Variants in TRMT10A observed in about 807,000 individuals in gnomAD.
TRMT10A encodes the protein tRNA methyltransferase 10 homolog A.
A neutral mutation model predicts 40.4 loss-of-function variants in TRMT10A; 37 were observed. The ratio of observed to expected loss-of-function variants is 0.92; its 90% confidence interval spans 0.71 to 1.21. The LOEUF (loss-of-function observed/expected upper bound fraction) is 1.21, where lower values mean the gene tolerates loss of function less well. Among genes scored for constraint, TRMT10A ranks in the 50% most tolerant of loss-of-function variants. TRMT10A has a pLI of 0.00. For synonymous variants in TRMT10A, 103 were observed against 134.1 expected, an observed-to-expected ratio of 0.77 and a Z score of 1.60; for missense variants, 388 against 404.3, an observed-to-expected ratio of 0.96 and a Z score of 0.35.
rs1723786300 is a variant in TRMT10A at position 99,547,607 on chromosome 4, G to A, written c.*1481C>T. 1 of 151,798 alleles carries A rather than the reference G, an allele frequency of 6.6e-6. No individual in the cohort carries two copies. The highest frequency in any genetic ancestry group is 2.1e-4 in the South Asian group (1 of 4,810). 9.4% of individuals were successfully genotyped at this position (151,798 alleles called of 1,614,324 possible). On this transcript the variant is annotated 3_prime_UTR_variant, in exon 8 of 8. Transcript: ENST00000394876. ...TGAAAAAATACAACTTAAGACATAAGCTTTGTTATTTTAAAATTGTAGGGC... is the reference window on the plus strand; with the variant it reads ...TGAAAAAATACAACTTAAGACATAAACTTTGTTATTTTAAAATTGTAGGGC...
intron 6 of TRMT10A, among the ~76,000 whole-genome samples, chr4:99,551,597 A>G (rs1476508597): frequency 1.3e-5 from 2 of 152,172 alleles, no homozygotes; most frequent in Non-Finnish European, 2.9e-5. Context: ...ACACCTGATA[A>G]TGATAATAAA....
At chr4:99,556,028 G>C (rs1449706080) in intron 5 of TRMT10A, 118 bp downstream of exon 5, 1 of 832,826 alleles carries the variant, frequency 1.2e-6, no homozygotes, top group Non-Finnish European at 1.8e-6. Context: ...TAGGTTCAGA[G>C]ATTGCATCTG....
At chr4:99,562,576 A>G (rs992485267) in intron 1 of TRMT10A, among the ~76,000 whole-genome samples, 1 of 117,180 alleles carries the variant, frequency 8.5e-6, no homozygotes, top group African/African-American at 3.4e-5. Context: ...CCCAGGCTGG[A>G]GTGCAGTGGC....
intron 6 of TRMT10A, among the ~76,000 whole-genome samples, 177 bp from the exon 7 acceptor site, chr4:99,551,167 A>G (rs560473812): frequency 2.6e-5 from 4 of 152,304 alleles, no homozygotes; most frequent in African/African-American, 4.8e-5. Flanking sequence ...TCTCTTGACA[A>G]TAAGTATAGT....
chr4:99,560,788 G>A (rs1640929701), intron 1 of TRMT10A, among the ~76,000 whole-genome samples: 1 of 152,010 alleles, frequency 6.6e-6, no homozygotes, highest in African/African-American at 2.4e-5. Flanking sequence ...ACACCGAGTG[G>A]AGGAAACTTA....
chr4:99,558,492 C>T (rs1724257105), intron 2 of TRMT10A, among the ~76,000 whole-genome samples: 1 of 151,852 alleles, frequency 6.6e-6, no homozygotes, highest in African/African-American at 2.4e-5. Context: ...TCATACTATC[C>T]CTAACCTTAT....
At chr4:99,557,313 A>G (rs1387945216) in intron 4 of TRMT10A, 32 bp downstream of exon 4, 2 of 1,588,552 alleles carry the variant, frequency 1.3e-6, no homozygotes, top group African/African-American at 2.7e-5. Context: ...ATAAAAGAAA[A>G]CTAGAGTCTG....
At position 99,555,219 on chromosome 4, in the gene TRMT10A, T is replaced by C. The variant is rs575388069; in HGVS notation, c.495+927A>G. Among the ~76,000 whole-genome samples the C allele has an allele frequency of 2.0e-5, 3 of 152,344 alleles. No homozygotes were observed. In the South Asian group the frequency reaches 6.2e-4, roughly 32 times the overall value. Reference sequence around the variant, plus strand: ...GCACAAATACAGGATTTGGTAAATATACTGTACTTAAAAACTTAAAAGCCT... The same window carrying C: ...GCACAAATACAGGATTTGGTAAATACACTGTACTTAAAAACTTAAAAGCCT... On this transcript the variant is annotated intron_variant, in intron 5 of 7. Coordinates refer to ENST00000394876, the MANE Select transcript of TRMT10A (RefSeq NM_001134665.3).
Position 99,556,183 on chromosome 4 carries a change from T to C in TRMT10A, c.458A>G (p.Asn153Ser), listed in dbSNP as rs200688602. The C allele has an allele frequency of 7.4e-6, 12 of 1,613,774 alleles. No homozygotes were observed. The highest frequency in any genetic ancestry group is 1.0e-5 in the Non-Finnish European group (12 of 1,179,762). ...CCATCCTTTGTCATTTTCATCCATG[T>C]TCTTTTTCAGCTGGCCTCCGTGGCT... ...LTSHGGQLKKNMDENDKGWVN... is the reference protein window; with the variant it reads ...LTSHGGQLKKSMDENDKGWVN... The change falls in exon 5 of 8, where the codon AAC (asparagine) becomes AGC (serine). Residue 153 changes from asparagine (N) to serine (S), a missense_variant. Physicochemically the swap from Asn to Ser is conservative, Grantham distance 46. Transcript: ENST00000394876.
chr4:99,552,302 G>A (rs1393526887), intron 6 of TRMT10A, among the ~76,000 whole-genome samples: 1 of 152,022 alleles, frequency 6.6e-6, no homozygotes, highest in Non-Finnish European at 1.5e-5. Context: ...CCCTATACAT[G>A]TATACCACGT....
chr4:99,557,739 C>G, intron 3 of TRMT10A: 1 of 405,464 alleles, frequency 2.5e-6, no homozygotes, highest in Non-Finnish European at 4.4e-6. Context: ...ACCAACAACA[C>G]TGGTAAAACC....
At chr4:99,560,857 C>T (rs1724360804) in intron 1 of TRMT10A, among the ~76,000 whole-genome samples, 1 of 151,916 alleles carries the variant, frequency 6.6e-6, no homozygotes, top group African/African-American at 2.4e-5. Flanking sequence ...AATAATATTC[C>T]AAGAGAGTAC....
chr4:99,557,179 A>T (rs1482482615), intron 4 of TRMT10A, among the ~76,000 whole-genome samples, 166 bp downstream of exon 4: 1 of 152,010 alleles, frequency 6.6e-6, no homozygotes, highest in East Asian at 1.9e-4. Flanking sequence ...ATATTAAAAG[A>T]TGTTTAAAAT....
intron 4 of TRMT10A, among the ~76,000 whole-genome samples, chr4:99,557,052 T>G (rs1040644084): frequency 8.5e-5 from 13 of 152,114 alleles, no homozygotes; most frequent in African/African-American, 2.7e-4. Flanking sequence ...AATTGTAAAC[T>G]GAAAAACTGG....
At position 99,549,212 on chromosome 4, in the gene TRMT10A, T is replaced by G; in HGVS notation, c.896A>C (p.Glu299Ala). 1 of 1,614,136 alleles carries G rather than the reference T, an allele frequency of 6.2e-7. No homozygotes were observed. The highest frequency in any genetic ancestry group is 8.5e-7 in the Non-Finnish European group (1 of 1,179,998). ...ACTGGAATCACTGTCCGATCCACCT[T>G]CCTCCATCCTGACAGACTGATTGTC... ...SHDNQSVRME[E>A]GGSDSDSSEE... Residue 299 changes from glutamate (E) to alanine (A), a missense_variant, in exon 8 of 8, where the codon GAA becomes GCA. Glu to Ala is a moderately radical substitution (Grantham distance 107, BLOSUM62 -1). Transcript: ENST00000394876.
intron 3 of TRMT10A, chr4:99,557,746 A>G: frequency 2.5e-6 from 1 of 405,860 alleles, no homozygotes; most frequent in East Asian, 4.7e-5. Context: ...ACACTGGTAA[A>G]ACCCCACAGA....
intron 1 of TRMT10A, among the ~76,000 whole-genome samples, chr4:99,561,654 T>C (rs1022983887): frequency 2.6e-5 from 4 of 152,146 alleles, no homozygotes; most frequent in Admixed American, 6.5e-5. Context: ...ATAAGTATAA[T>C]GTATATCTAC....
At chr4:99,557,786 T>A in intron 3 of TRMT10A, 1 of 430,262 alleles carries the variant, frequency 2.3e-6, no homozygotes, top group South Asian at 3.7e-5. Flanking sequence ...GTTAATTTAG[T>A]TCTGTCATCT....
rs1723822708 is a variant in TRMT10A, at chr4:99,548,505, A to C, written c.*583T>G. 1.3e-5 allele frequency: 2 copies of C among 152,182 alleles called. No individual in the cohort carries two copies. Among genetic ancestry groups the C allele is most frequent in the African/African-American group, 4.8e-5 (2 of 41,472 alleles). 9.4% of individuals were successfully genotyped at this position (152,182 alleles called of 1,614,324 possible). On this transcript the variant is annotated 3_prime_UTR_variant, in exon 8 of 8. Transcript: ENST00000394876. ...AATTACTTCAGAACCATAAAAAGGC[A>C]TCATAAAGAAGGAACAGATATGCGC...
Sources: gnomAD v4.1 joint callset for allele counts (sites outside exome capture counted in the v4.1 genomes callset) on GRCh38, gnomAD v4.1.1 for gene constraint, MANE v1.5 for transcripts, NCBI Gene and HGNC (gene_info 2026-07-23, HGNC 2026-07-21) for gene names.